Variants in REXO1 observed in about 807,000 individuals in gnomAD.
REXO1 encodes REX1, RNA exonuclease 1 homolog.
REXO1 carries 42 observed loss-of-function variants against 102.6 expected under a neutral mutation model. The ratio of observed to expected loss-of-function variants is 0.41; its 90% CI spans 0.32 to 0.53. The LOEUF (loss-of-function observed/expected upper bound fraction) is 0.53, where lower values mean the gene tolerates loss of function less well. REXO1 is among the 20% of genes least tolerant of loss of function. REXO1 has a pLI of 0.27. For synonymous variants in REXO1, 908 were observed against 779.1 expected (o/e 1.17, Z -2.76); for missense variants, 1,819 against 1,732.5 (o/e 1.05, Z -0.89).
Position 1,816,168 on chromosome 19 carries a change from G to A in REXO1, c.3578-14C>T, listed in dbSNP as rs1341870640. 1.1e-5 allele frequency: 17 copies of A among 1,554,032 alleles called. No individual in the cohort carries two copies. Among genetic ancestry groups the A allele is most frequent in the Non-Finnish European group, 1.5e-5 (17 of 1,148,222 alleles). On this transcript the variant is annotated splice_polypyrimidine_tract_variant and intron_variant, in intron 15 of 15. Coordinates refer to ENST00000170168, the MANE Select transcript of REXO1 (RefSeq NM_020695.4). ...TGTGCCCATCCACTGCGGGGCAGAT[G>A]CGGTGAGCACCCGGCCCCTGCGCAG...
chr19:1,818,267 G>A lies in REXO1; in HGVS notation c.3016+215C>T, dbSNP rs530312337. On this transcript the variant is annotated intron_variant, in intron 10 of 15. Transcript: ENST00000170168. ...GGTGGTGGCATTTGAACCTTGTCAT[G>A]GGAAAGCTCTTGTCTTACTTTTGCA... Among the ~76,000 whole-genome samples, 6 of 152,362 alleles carry A rather than the reference G, an allele frequency of 3.9e-5. No homozygotes were observed. The South Asian group carries it at 1.2e-3, about 32-fold the overall frequency.
Position 1,820,061 on chromosome 19 carries a change from G to A in REXO1, c.2527-4C>T. 1 of 1,599,750 alleles carries A rather than the reference G, an allele frequency of 6.3e-7. No homozygotes were observed. The highest frequency in any genetic ancestry group is 8.5e-7 in the Non-Finnish European group (1 of 1,176,180). On this transcript the variant is annotated splice_polypyrimidine_tract_variant and splice_region_variant and intron_variant, in intron 6 of 15. Transcript: ENST00000170168. ...CCACCTTCTCCTCGTTCAGTGCCTGGGGGACAGGCGGTGCCCAGCTGAGGC... is the reference window on the plus strand; with the variant it reads ...CCACCTTCTCCTCGTTCAGTGCCTGAGGGACAGGCGGTGCCCAGCTGAGGC...
chr19:1,827,566 A>G lies in REXO1; in HGVS notation c.1223T>C (p.Val408Ala), dbSNP rs10415018. 206,691 of 1,594,386 alleles carry G rather than the reference A, an allele frequency of 0.13. 18,066 individuals carry two copies. The highest frequency in any genetic ancestry group is 0.36 in the African/African-American group (26,218 of 73,482). The change falls in exon 2 of 16, where the codon GTG becomes GCG. Residue 408 changes from valine to alanine, a missense_variant. By Grantham distance (64) the Val-to-Ala change is moderately conservative. Transcript: ENST00000170168. The part of the protein sequence containing the change: ...KTKDKGRGRP[V>A]EKPRADKKGP... ...CTTCTTGTCCGCACGGGGCTTCTCC[A>G]CAGGCCGCCCTCGGCCCTTGTCCTT...
intron 12 of REXO1, 48 bp from the exon 13 acceptor site, chr19:1,816,861 C>G: frequency 7.1e-7 from 1 of 1,401,840 alleles, no homozygotes; most frequent in East Asian, 2.3e-5. Context: ...ACCGGCCTCC[C>G]TCCCTCCCCT....
At chr19:1,819,401 C>T (rs1169678091) in intron 7 of REXO1, among the ~76,000 whole-genome samples, 4 of 152,092 alleles carry the variant, frequency 2.6e-5, no homozygotes, top group Non-Finnish European at 4.4e-5. Flanking sequence ...TCCCCTCAAG[C>T]GAAGGGGGAA....
intron 1 of REXO1, among the ~76,000 whole-genome samples, chr19:1,847,955 G>A (rs892974924): frequency 4.6e-5 from 7 of 152,194 alleles, no homozygotes; most frequent in Non-Finnish European, 8.8e-5. Flanking sequence ...CCGCCCTCTA[G>A]ACAGCCCTGG....
At chr19:1,848,109 G>A (rs1482152531) in intron 1 of REXO1, 93 bp downstream of exon 1, 4 of 607,490 alleles carry the variant, frequency 6.6e-6, no homozygotes, top group African/African-American at 1.9e-5. Flanking sequence ...GGAGGAGGCT[G>A]GGCCGAGAAC....
chr19:1,816,544 G>A lies in REXO1; in HGVS notation c.3343C>T (p.Leu1115Phe). 3 of 1,611,222 alleles carry A rather than the reference G, an allele frequency of 1.9e-6. No homozygotes were observed. Among genetic ancestry groups the A allele is most frequent in the Non-Finnish European group, 2.5e-6 (3 of 1,178,912 alleles). ...CGCAGCGTGACACTTGTGTCGGCAA[G>A]GTCAGCCTCCGTCACCCCCGAAAAC... ...TRFSGVTEADLADTSVTLRDV... is the reference protein window; with the variant it reads ...TRFSGVTEADFADTSVTLRDV... Residue 1115 changes from leucine (L) to phenylalanine (F), a missense_variant, in exon 14 of 16, where the codon CTT becomes TTT. Transcript: ENST00000170168.
rs758129734 is a variant in REXO1 at position 1,827,527 on chromosome 19, C to G, written c.1262G>C (p.Ser421Thr). 3.2e-6 allele frequency: 5 copies of G among 1,584,724 alleles called. No individual in the cohort carries two copies. The highest frequency in any genetic ancestry group is 4.3e-6 in the Non-Finnish European group (5 of 1,174,118). ...PRADKKGPQA[S>T]SPRRKAERPE... is the part of the protein sequence containing the mutation. Reference sequence around the variant, plus strand: ...CCGCTCTGCCTTGCGCCGGGGGCTGCTGGCCTGCGGGCCCTTCTTGTCCGC... The same window carrying G: ...CCGCTCTGCCTTGCGCCGGGGGCTGGTGGCCTGCGGGCCCTTCTTGTCCGC... Residue 421 changes from serine (S) to threonine (T), a missense_variant, in exon 2 of 16, where the codon AGC becomes ACC. Coordinates refer to ENST00000170168, the MANE Select transcript of REXO1 (RefSeq NM_020695.4).
rs1242992202 is a variant in REXO1 at position 1,828,490 on chromosome 19, C to T, written c.299G>A (p.Ser100Asn). Reference protein sequence around the residue: ...LVNQAIEAVRSEVELEQRRYR... With the variant: ...LVNQAIEAVRNEVELEQRRYR... ...GCGCCGCTGCTCCAGCTCCACCTCA[C>T]TGCGCACGGCCTCGATGGCCTGGTT... Residue 100 changes from serine to asparagine, a missense_variant, in exon 2 of 16, where the codon AGT becomes AAT. Coordinates refer to ENST00000170168, the MANE Select transcript of REXO1 (RefSeq NM_020695.4). 1 of 1,605,684 alleles carries T rather than the reference C, an allele frequency of 6.2e-7. No homozygotes were observed. The highest frequency in any genetic ancestry group is 8.5e-7 in the Non-Finnish European group (1 of 1,179,808).
chr19:1,829,384 G>A lies in REXO1; in HGVS notation c.158-753C>T, dbSNP rs1275934844. On this transcript the variant is annotated intron_variant, in intron 1 of 15. Transcript: ENST00000170168. ...CCCCCAAGTAGCTGGGATTACAGGC[G>A]TGCGCCATCACACCCAGCTAATTTT... Among the ~76,000 whole-genome samples, 11 of 152,152 alleles carry A rather than the reference G, an allele frequency of 7.2e-5. No individual in the cohort carries two copies. The East Asian group carries it at 1.2e-3, about 16-fold the overall frequency.
At chr19:1,832,858 G>C (rs950421189) in intron 1 of REXO1, among the ~76,000 whole-genome samples, 7 of 147,262 alleles carry the variant, frequency 4.8e-5, no homozygotes, top group African/African-American at 1.5e-4. Flanking sequence ...AGAGGTTGCA[G>C]TGAGCCAAGA....
In REXO1 at chr19:1,821,458, T is replaced by A. The variant is rs117283114; in HGVS notation, c.2394+61A>T. 5,059 of 1,600,982 alleles carry A rather than the reference T, an allele frequency of 3.2e-3. 235 individuals carry two copies. The East Asian group carries it at 0.095, about 30-fold the overall frequency. ...AGGCTGGCCCTCCGCAGGTCCCATG[T>A]GGCCGGGCCTCAGGGCGTGGTCTTG... On this transcript the variant is annotated intron_variant, in intron 5 of 15. Transcript: ENST00000170168.
At position 1,820,310 on chromosome 19, in the gene REXO1, T is replaced by G. The variant is rs777378244; in HGVS notation, c.2480A>C (p.Glu827Ala). 6.2e-7 allele frequency: 1 copy of G among 1,613,918 alleles called. No homozygotes were observed. The highest frequency in any genetic ancestry group is 1.1e-5 in the South Asian group (1 of 91,076). The change falls in exon 6 of 16, where the codon GAG becomes GCG. Residue 827 changes from glutamate to alanine, a missense_variant. Transcript: ENST00000170168. ...IRQRYLNLFI[E>A]ECLKFCTSNQ... ...GGAGGTACAGAACTTGAGACACTCC[T>G]CGATGAACAGGTTGAGATAGCGCTG...
chr19:1,819,081 A>G lies in REXO1; in HGVS notation c.2701T>C (p.Leu901=), dbSNP rs201410884. 4.1e-4 allele frequency: 661 copies of G among 1,598,800 alleles called. No homozygotes were observed. Among genetic ancestry groups the G allele is most frequent in the Non-Finnish European group, 4.7e-4 (547 of 1,171,806 alleles). ...VSHEVVLGGR[L]AAKTSFSLSR... ...AGCGAGAAGCTGGTCTTGGCGGCCAACCTGCCCCCCAACACCACCTCGTGG... is the reference window on the plus strand; with the variant it reads ...AGCGAGAAGCTGGTCTTGGCGGCCAGCCTGCCCCCCAACACCACCTCGTGG... Residue 901 remains leucine (L), a synonymous_variant, in exon 8 of 16, where the codon TTG becomes CTG. Coordinates refer to ENST00000170168, the MANE Select transcript of REXO1 (RefSeq NM_020695.4).
intron 1 of REXO1, among the ~76,000 whole-genome samples, chr19:1,842,475 T>C (rs1434075048): frequency 2.0e-5 from 3 of 152,272 alleles, no homozygotes; most frequent in South Asian, 2.1e-4. Flanking sequence ...GATCAGTCAC[T>C]GCTCTACTGA....
At chr19:1,838,735 G>A (rs935789792) in intron 1 of REXO1, among the ~76,000 whole-genome samples, 5 of 151,508 alleles carry the variant, frequency 3.3e-5, no homozygotes, top group South Asian at 2.1e-4. Flanking sequence ...AGGAGCCAGC[G>A]GGACCTTCTC....
rs550455432 is a variant in REXO1, at chr19:1,844,654, C to T, written c.157+3548G>A. On this transcript the variant is annotated intron_variant, in intron 1 of 15. Transcript: ENST00000170168. Reference sequence around the variant, plus strand: ...GAGTCGCCTGGAGCCCCAGCTGGGACGCCGCCAACAGCCCCACCCAGAACC... The same window carrying T: ...GAGTCGCCTGGAGCCCCAGCTGGGATGCCGCCAACAGCCCCACCCAGAACC... Among the ~76,000 whole-genome samples the T allele has an allele frequency of 7.2e-5, 11 of 152,326 alleles. No individual in the cohort carries two copies. The East Asian group carries it at 1.9e-3, about 27-fold the overall frequency.
rs1345513410 is a variant in REXO1, at chr19:1,827,168, A to AG, written c.1620dup (p.Ser541LeufsTer69). Reference sequence around the variant, plus strand: ...TCCGAGCTGAGGCTGGGGAGGGCAGAGGGCCACACGCTCGGCACCCCTGGC... The same window carrying AG: ...TCCGAGCTGAGGCTGGGGAGGGCAGAGGGGCCACACGCTCGGCACCCCTGGC... On this transcript the variant is annotated frameshift_variant, in exon 2 of 16. Transcript: ENST00000170168. LOFTEE classifies it high-confidence loss of function. The AG allele has an allele frequency of 1.3e-6, 2 of 1,541,284 alleles. No individual in the cohort carries two copies. The highest frequency in any genetic ancestry group is 2.7e-5 in the African/African-American group (2 of 73,014).
Sources: gnomAD v4.1 joint callset for allele counts (sites outside exome capture counted in the v4.1 genomes callset) on GRCh38, gnomAD v4.1.1 for gene constraint, MANE v1.5 for transcripts, NCBI Gene and HGNC (gene_info 2026-07-23, HGNC 2026-07-21) for gene names.